Variants in KCNN2 observed in about 807,000 individuals in gnomAD.
KCNN2 encodes potassium calcium-activated channel subfamily N member 2, also known as small conductance calcium-activated potassium channel protein 2.
Under a neutral mutation model 55.5 loss-of-function variants are expected in KCNN2, and 24 were observed. The observed-to-expected ratio is 0.43, with a 90% CI of 0.31 to 0.61. The LOEUF is 0.61. Among genes scored for constraint, KCNN2 ranks in the 20% least tolerant of loss-of-function variants. The pLI is 0.08. For missense variants in KCNN2, 754 were observed against 853.6 expected (o/e 0.88, Z 1.45); for synonymous variants, 431 against 336.1 (o/e 1.28, Z -3.09).
intron 2 of KCNN2, among the ~76,000 whole-genome samples, chr5:114,376,464 A>G (rs1396755980): frequency 1.3e-5 from 2 of 152,214 alleles, no homozygotes; most frequent in Non-Finnish European, 2.9e-5. Context: ...CTCACCTTCA[A>G]AACTCTAATT....
chr5:114,271,410 G>A (rs1490733304), intron 2 of KCNN2, among the ~76,000 whole-genome samples: 1 of 152,100 alleles, frequency 6.6e-6, no homozygotes. Context: ...AGTTCTCCAA[G>A]TTCCCACCCG....
intron 1 of KCNN2, among the ~76,000 whole-genome samples, chr5:114,192,211 C>G (rs149094221): frequency 6.6e-6 from 1 of 152,130 alleles, no homozygotes; most frequent in Non-Finnish European, 1.5e-5. Flanking sequence ...ACTCACATTC[C>G]GTGTCTACCT....
chr5:114,170,612 C>T (rs942077491), intron 1 of KCNN2, among the ~76,000 whole-genome samples: 2 of 151,944 alleles, frequency 1.3e-5, no homozygotes, highest in African/African-American at 4.8e-5. Flanking sequence ...AGGAGGATGA[C>T]AGCAATATCC....
At chr5:114,227,126 T>A (rs1157924757) in intron 2 of KCNN2, among the ~76,000 whole-genome samples, 1 of 152,196 alleles carries the variant, frequency 6.6e-6, no homozygotes, top group Non-Finnish European at 1.5e-5. Flanking sequence ...ATTTATGTTT[T>A]TCTAGTATCT....
intron 5 of KCNN2, among the ~76,000 whole-genome samples, chr5:114,485,928 C>T (rs921524209): frequency 4.6e-5 from 7 of 152,120 alleles, no homozygotes; most frequent in Admixed American, 3.3e-4. Context: ...TTCTAAAGCT[C>T]ATCCTTATTG....
At chr5:114,118,058 C>T (rs1307576404) in intron 1 of KCNN2, among the ~76,000 whole-genome samples, 1 of 152,112 alleles carries the variant, frequency 6.6e-6, no homozygotes, top group Non-Finnish European at 1.5e-5. Context: ...GAGTTTGTGT[C>T]ATATAGAGCT....
chr5:114,263,786 C>G (rs564483720), intron 2 of KCNN2, among the ~76,000 whole-genome samples: 12 of 152,236 alleles, frequency 7.9e-5, no homozygotes, highest in South Asian at 6.2e-4. Context: ...TGACTAACAC[C>G]TTTTAGACTA....
At chr5:114,317,316 G>A (rs967442967) in intron 2 of KCNN2, among the ~76,000 whole-genome samples, 6 of 151,480 alleles carry the variant, frequency 4.0e-5, no homozygotes, top group Non-Finnish European at 5.9e-5. Flanking sequence ...TTATATCGTC[G>A]GACCTGCAGT....
chr5:114,388,892 CA>C (rs1758364904), intron 2 of KCNN2, among the ~76,000 whole-genome samples: 1 of 152,076 alleles, frequency 6.6e-6, no homozygotes. Flanking sequence ...AGCCCTTCTG[CA>C]TTTGAAAAGA....
chr5:114,494,054 T>A (rs1478049528), intron 7 of KCNN2, among the ~76,000 whole-genome samples: 1 of 152,142 alleles, frequency 6.6e-6, no homozygotes, highest in Non-Finnish European at 1.5e-5. Context: ...TATTCTACCT[T>A]ATTTATAATA....
intron 1 of KCNN2, among the ~76,000 whole-genome samples, chr5:114,209,824 G>C (rs1213184974): frequency 6.6e-6 from 1 of 152,136 alleles, no homozygotes; most frequent in Non-Finnish European, 1.5e-5. Flanking sequence ...TCTAATTTCT[G>C]ATCTCATGTG....
chr5:114,385,769 T>C (rs1331429619), intron 2 of KCNN2, among the ~76,000 whole-genome samples: 2 of 152,056 alleles, frequency 1.3e-5, no homozygotes, highest in Non-Finnish European at 2.9e-5. Context: ...ATAGTAATAC[T>C]AATGTAATGT....
intron 1 of KCNN2, among the ~76,000 whole-genome samples, chr5:114,197,440 T>C (rs956112769): frequency 2.0e-5 from 3 of 152,222 alleles, no homozygotes; most frequent in Admixed American, 6.5e-5. Context: ...TCTCCAATGA[T>C]CATTGTTGAA....
rs1043211337 is a variant in KCNN2, at chr5:114,244,509, A to G, written c.-185+22944A>G. ...CTACTTGGGAGGCTGAGGCAGGAGA[A>G]TTGCTTGAACCCGGGAGGCGGAGGT... is the stretch of plus-strand genomic sequence containing the variant. On this transcript the variant is annotated intron_variant, in intron 2 of 10. Coordinates refer to the KCNN2 transcript ENST00000512097. Among the ~76,000 whole-genome samples, 5 of 151,338 alleles carry G rather than the reference A, an allele frequency of 3.3e-5. No homozygotes were observed. The East Asian group carries it at 9.9e-4, about 30-fold the overall frequency.
At position 114,362,934 on chromosome 5, in the gene KCNN2, T is replaced by TACC; in HGVS notation, c.795_796insACC (p.Ala265_Ala266insThr). 1 of 1,560,874 alleles carries TACC rather than the reference T, an allele frequency of 6.4e-7. No individual in the cohort carries two copies. The highest frequency in any genetic ancestry group is 1.1e-5 in the South Asian group (1 of 87,120). On this transcript the variant is annotated inframe_insertion, in exon 1 of 8. Transcript: ENST00000673685. ...GCGCGTCCTCCCCGTCTGCAGCCGC[T>TACC]GCCGCCGCCGCCGCTGTTTCGTCCT...
At chr5:114,237,802 TTCTAACTCATATA>T (rs1754533964) in intron 2 of KCNN2, among the ~76,000 whole-genome samples, 1 of 152,210 alleles carries the variant, frequency 6.6e-6, no homozygotes. Flanking sequence ...AGAAATTTAT[TTCTAACTCATATA>T]TAGCCTTCTA....
At chr5:114,251,880 C>CTT (rs200692821) in intron 2 of KCNN2, among the ~76,000 whole-genome samples, 58 of 133,280 alleles carry the variant, frequency 4.4e-4, no homozygotes, top group South Asian at 9.9e-4. Context: ...TTTTCTTTTT[C>CTT]TTTTTTTTTT....
In KCNN2 at chr5:114,312,399, AC is replaced by A. The variant is rs1230967509; in HGVS notation, c.-184-48545del. On this transcript the variant is annotated intron_variant, in intron 2 of 10. Coordinates refer to the KCNN2 transcript ENST00000512097. ...TAAAAAAGGAGATACACACACACAC[AC>A]ACACACACACACACACACACACACA... Among the ~76,000 whole-genome samples the A allele has an allele frequency of 6.8e-4, 28 of 41,240 alleles. 1 individual carries two copies. Among genetic ancestry groups the A allele is most frequent in the South Asian group, 5.2e-3 (2 of 382 alleles). 27.1% of individuals were successfully genotyped at this position (41,240 alleles called of 152,430 possible). A position where few individuals can be genotyped will look rare whatever the true frequency, so the allele number is the denominator to read the frequency against.
chr5:114,099,761 A>C (rs1751337113), intron 1 of KCNN2, among the ~76,000 whole-genome samples: 1 of 152,138 alleles, frequency 6.6e-6, no homozygotes, highest in South Asian at 2.1e-4. Context: ...TACTTTTCAA[A>C]AAGTTTTAGT....
Sources: allele counts gnomAD v4.1 joint callset (sites outside exome capture counted in the v4.1 genomes callset), GRCh38; gene constraint gnomAD v4.1.1; transcripts MANE v1.5; gene names NCBI Gene and HGNC (gene_info 2026-07-23, HGNC 2026-07-21).